The following CNTNAP5 variants were observed in gnomAD, a reference collection of about 807,000 sequenced individuals.
The protein encoded by CNTNAP5 is contactin-associated protein-like 5.
Under a neutral mutation model 150.2 loss-of-function variants are expected in CNTNAP5, and 72 were observed. The ratio of observed to expected loss-of-function variants is 0.48; its 90% confidence interval spans 0.40 to 0.58. CNTNAP5 has a LOEUF of 0.58. Among genes scored for constraint, CNTNAP5 ranks in the 20% least tolerant of loss-of-function variants. The pLI is 0.00. For synonymous variants in CNTNAP5, 672 were observed against 619.8 expected, an observed-to-expected ratio of 1.08 and a Z score of -1.25; for missense variants, 1,636 against 1,626.2, an observed-to-expected ratio of 1.01 and a Z score of -0.10.
intron 1 of CNTNAP5, among the ~76,000 whole-genome samples, chr2:124,127,290 G>C (rs1683730714): frequency 6.6e-6 from 1 of 152,122 alleles, no homozygotes; most frequent in Admixed American, 6.5e-5. Context: ...GCCATATCAT[G>C]AGTGAACTCA....
intron 1 of CNTNAP5, among the ~76,000 whole-genome samples, chr2:124,061,210 C>T (rs1316884150): frequency 6.6e-6 from 1 of 152,218 alleles, no homozygotes; most frequent in African/African-American, 2.4e-5. Flanking sequence ...TGCATTTCAC[C>T]TTTCAGTGTG....
intron 3 of CNTNAP5, among the ~76,000 whole-genome samples, chr2:124,315,414 C>G (rs1358917327): frequency 6.6e-6 from 1 of 152,086 alleles, no homozygotes; most frequent in African/African-American, 2.4e-5. Context: ...GTTTTCAAAT[C>G]TCAAGGGTTC....
At chr2:124,504,211 C>G in intron 7 of CNTNAP5, 81 bp from the exon 8 acceptor site, 2 of 1,383,032 alleles carry the variant, frequency 1.4e-6, no homozygotes, top group Non-Finnish European at 2.0e-6. Context: ...TTAAGGTCAG[C>G]TCCAGGTGGT....
rs938320629 is a variant in CNTNAP5 at position 124,366,305 on chromosome 2, G to A, written c.382-51138G>A. ...CTTATGAAGCACAAAATAACGGTAC[G>A]TACTTTCTTTTTTACTGATATTGAT... On this transcript the variant is annotated intron_variant, in intron 3 of 23. Transcript: ENST00000682447. 5.3e-5 allele frequency among the ~76,000 whole-genome samples: 8 copies of A among 152,242 alleles called. No individual in the cohort carries two copies. In the South Asian group the frequency reaches 8.3e-4, roughly 16 times the overall value.
In CNTNAP5 at chr2:124,417,437, C is replaced by G. The variant is rs770399256; in HGVS notation, c.382-6C>G. The G allele has an allele frequency of 2.5e-6, 4 of 1,613,472 alleles. No individual in the cohort carries two copies. Among genetic ancestry groups the G allele is most frequent in the African/African-American group, 1.3e-5 (1 of 74,932 alleles). Reference sequence around the variant, plus strand: ...GACCTCACTGCCTCTCCTTTCTTCTCTGCAGACCTTTGCAGGAAACATGAA... The same window carrying G: ...GACCTCACTGCCTCTCCTTTCTTCTGTGCAGACCTTTGCAGGAAACATGAA... On this transcript the variant is annotated splice_region_variant and splice_polypyrimidine_tract_variant and intron_variant, in intron 3 of 23. Transcript: ENST00000682447.
intron 3 of CNTNAP5, among the ~76,000 whole-genome samples, chr2:124,374,394 A>G (rs1690596909): frequency 6.6e-6 from 1 of 152,084 alleles, no homozygotes; most frequent in South Asian, 2.1e-4. Flanking sequence ...GAGAACATCA[A>G]AGATTCTAGT....
Position 124,382,753 on chromosome 2 carries a change from G to A in CNTNAP5, c.382-34690G>A, listed in dbSNP as rs182099558. Among the ~76,000 whole-genome samples the A allele has an allele frequency of 5.3e-3, 812 of 152,222 alleles. 11 individuals carry two copies. Among genetic ancestry groups the A allele is most frequent in the African/African-American group, 0.017 (713 of 41,540 alleles). On this transcript the variant is annotated intron_variant, in intron 3 of 23. Transcript: ENST00000682447. ...AAGGCACTTAAAATATTTTCCTGCC[G>A]TTATTCTTATCCACAAATCCTAGCT...
intron 19 of CNTNAP5, among the ~76,000 whole-genome samples, chr2:124,809,241 C>A (rs1220435286): frequency 6.6e-6 from 1 of 151,842 alleles, no homozygotes; most frequent in African/African-American, 2.4e-5. Context: ...ACCAGCCTTC[C>A]AAGACAAAAG....
At chr2:124,868,453 T>C (rs1490824905) in intron 20 of CNTNAP5, among the ~76,000 whole-genome samples, 2 of 152,150 alleles carry the variant, frequency 1.3e-5, no homozygotes, top group Admixed American at 6.5e-5. Flanking sequence ...TATACTCATG[T>C]CCAGTTCTTG....
chr2:124,886,078 C>T (rs1381768628), intron 21 of CNTNAP5, among the ~76,000 whole-genome samples: 1 of 152,038 alleles, frequency 6.6e-6, no homozygotes, highest in Admixed American at 6.6e-5. Context: ...AACTGTGCTT[C>T]CCACACTCTT....
intron 13 of CNTNAP5, among the ~76,000 whole-genome samples, chr2:124,655,966 A>AGAAG: frequency 6.9e-6 from 1 of 145,526 alleles, no homozygotes; most frequent in Non-Finnish European, 1.5e-5. Context: ...AAAGAAAGAA[A>AGAAG]GAAAGAAAGA....
chr2:124,597,951 C>A (rs982314830), intron 11 of CNTNAP5, among the ~76,000 whole-genome samples: 1 of 127,484 alleles, frequency 7.8e-6, no homozygotes, highest in Non-Finnish European at 1.7e-5. Flanking sequence ...CCTGAGGCTT[C>A]TGCATTCTTC....
At chr2:124,166,839 C>A (rs1684818879) in intron 1 of CNTNAP5, among the ~76,000 whole-genome samples, 1 of 152,146 alleles carries the variant, frequency 6.6e-6, no homozygotes, top group African/African-American at 2.4e-5. Context: ...GCTACAGACT[C>A]AATCCTTTCT....
At chr2:124,882,064 G>A (rs1677974996) in intron 21 of CNTNAP5, among the ~76,000 whole-genome samples, 1 of 152,048 alleles carries the variant, frequency 6.6e-6, no homozygotes, top group Admixed American at 6.6e-5. Context: ...GCAGTCTTAG[G>A]AAAACCAGCA....
chr2:124,121,137 TACACACAC>T (rs3981152), intron 1 of CNTNAP5, among the ~76,000 whole-genome samples: 4 of 148,650 alleles, frequency 2.7e-5, no homozygotes, highest in Admixed American at 2.0e-4. Context: ...CTTATTGCCA[TACACACAC>T]ACACACACAC....
chr2:124,298,258 A>T (rs1435235956), intron 3 of CNTNAP5, among the ~76,000 whole-genome samples: 2 of 152,158 alleles, frequency 1.3e-5, no homozygotes, highest in African/African-American at 2.4e-5. Flanking sequence ...TTCATCACCC[A>T]GTTATTAAGC....
At chr2:124,861,892 C>A (rs1677532182) in intron 19 of CNTNAP5, among the ~76,000 whole-genome samples, 1 of 152,214 alleles carries the variant, frequency 6.6e-6, no homozygotes, top group Non-Finnish European at 1.5e-5. Flanking sequence ...CCACTCACTG[C>A]AACCTCTACC....
chr2:124,034,419 C>T (rs1211027859), intron 1 of CNTNAP5, among the ~76,000 whole-genome samples: 1 of 152,202 alleles, frequency 6.6e-6, no homozygotes, highest in Non-Finnish European at 1.5e-5. Flanking sequence ...GGGTGAGTCA[C>T]TGCTAAGACA....
chr2:124,113,868 A>T (rs1683362486), intron 1 of CNTNAP5, among the ~76,000 whole-genome samples: 1 of 151,946 alleles, frequency 6.6e-6, no homozygotes, highest in Non-Finnish European at 1.5e-5. Context: ...CATTGAAAAG[A>T]TCATTTTTTC....
Sources: gnomAD v4.1 joint callset for allele counts (sites outside exome capture counted in the v4.1 genomes callset) on GRCh38, gnomAD v4.1.1 for gene constraint, MANE v1.5 for transcripts, NCBI Gene and HGNC (gene_info 2026-07-23, HGNC 2026-07-21) for gene names.